The following NKAIN3 variants were observed in gnomAD, a reference collection of about 807,000 sequenced individuals.
The protein encoded by NKAIN3 is sodium/potassium-transporting ATPase subunit beta-1-interacting protein 3.
A neutral mutation model predicts 30.2 loss-of-function variants in NKAIN3; 25 were observed. The ratio of observed to expected loss-of-function variants is 0.83; its 90% CI spans 0.60 to 1.16. The LOEUF (loss-of-function observed/expected upper bound fraction) is 1.16, where lower values mean the gene tolerates loss of function less well. Among genes scored for constraint, NKAIN3 ranks in the 50% most tolerant of loss-of-function variants. NKAIN3 has a pLI of 0.00. For missense variants in NKAIN3, 225 were observed against 254.1 expected (o/e 0.89, Z 0.78); for synonymous variants, 91 against 89.6 (o/e 1.02, Z -0.09).
chr8:62,605,159 G>A (rs1370738589), intron 3 of NKAIN3, among the ~76,000 whole-genome samples: 1 of 152,070 alleles, frequency 6.6e-6, no homozygotes, highest in Non-Finnish European at 1.5e-5. Flanking sequence ...CATTTCTTCT[G>A]TGGGTCAGAA....
chr8:62,627,254 C>G (rs972321257), intron 3 of NKAIN3, among the ~76,000 whole-genome samples: 8 of 152,070 alleles, frequency 5.3e-5, no homozygotes, highest in Admixed American at 4.6e-4. Context: ...ATTTAAATGT[C>G]TTTAAATGTC....
intron 3 of NKAIN3, among the ~76,000 whole-genome samples, chr8:62,679,710 A>G (rs1813593603): frequency 6.6e-6 from 1 of 152,090 alleles, no homozygotes; most frequent in Non-Finnish European, 1.5e-5. Flanking sequence ...ACACTTTTAA[A>G]CAACCAGATC....
chr8:62,934,125 C>T (rs7460124), intron 5 of NKAIN3, among the ~76,000 whole-genome samples: 10,322 of 152,196 alleles, frequency 0.068, 583 homozygotes, highest in East Asian at 0.28. Context: ...TGACACGCAC[C>T]TGTAATCCCA....
intron 1 of NKAIN3, among the ~76,000 whole-genome samples, chr8:62,269,389 C>T (rs1425185532): frequency 6.6e-6 from 1 of 152,138 alleles, no homozygotes; most frequent in African/African-American, 2.4e-5. Flanking sequence ...TGATCTTATA[C>T]TTCCTCATAT....
intron 1 of NKAIN3, among the ~76,000 whole-genome samples, chr8:62,267,849 G>A (rs909339745): frequency 4.6e-5 from 7 of 152,170 alleles, no homozygotes; most frequent in Admixed American, 2.6e-4. Flanking sequence ...AAGTAGCCAA[G>A]TAATTAAGAG....
chr8:62,360,798 G>T (rs1184980405), intron 1 of NKAIN3, among the ~76,000 whole-genome samples: 1 of 152,100 alleles, frequency 6.6e-6, no homozygotes, highest in East Asian at 1.9e-4. Flanking sequence ...ATGAATCTGG[G>T]TGCCCCTGTA....
intron 5 of NKAIN3, among the ~76,000 whole-genome samples, chr8:62,942,235 CACATATATAT>C (rs1254866393): frequency 1.3e-5 from 1 of 75,920 alleles, no homozygotes; most frequent in Non-Finnish European, 2.5e-5. Context: ...CATATATATA[CACATATATAT>C]ACATATATAT....
At chr8:62,289,726 G>A (rs924387598) in intron 1 of NKAIN3, among the ~76,000 whole-genome samples, 13 of 152,154 alleles carry the variant, frequency 8.5e-5, no homozygotes, top group Middle Eastern at 6.8e-3. Flanking sequence ...GGCAATGTGG[G>A]CTATTTTTGG....
chr8:62,790,007 A>C (rs948475328), intron 4 of NKAIN3, among the ~76,000 whole-genome samples: 3 of 151,990 alleles, frequency 2.0e-5, no homozygotes, highest in Admixed American at 6.6e-5. Flanking sequence ...GAGACACAAT[A>C]AAAAAAGAGA....
intron 1 of NKAIN3, among the ~76,000 whole-genome samples, chr8:62,253,302 A>G (rs1390537495): frequency 1.3e-5 from 2 of 152,236 alleles, no homozygotes; most frequent in Non-Finnish European, 2.9e-5. Flanking sequence ...CTGACTGGGT[A>G]CAGTGGCTTA....
intron 3 of NKAIN3, among the ~76,000 whole-genome samples, chr8:62,652,401 T>G (rs536436979): frequency 6.6e-6 from 1 of 152,298 alleles, no homozygotes; most frequent in South Asian, 2.1e-4. Flanking sequence ...CTCCCCACAC[T>G]GGCTGGCTTG....
intron 2 of NKAIN3, among the ~76,000 whole-genome samples, chr8:62,586,113 A>G (rs10110107): frequency 0.034 from 5,239 of 152,272 alleles, 249 homozygotes; most frequent in African/African-American, 0.11. Flanking sequence ...AAAAGTCCGC[A>G]ATTTAGTTAT....
At chr8:62,909,658 G>T (rs763294645) in intron 4 of NKAIN3, among the ~76,000 whole-genome samples, 42 of 151,942 alleles carry the variant, frequency 2.8e-4, no homozygotes, top group Middle Eastern at 3.4e-3. Flanking sequence ...TCTCATGAGG[G>T]CAACATTATT....
intron 3 of NKAIN3, among the ~76,000 whole-genome samples, chr8:62,715,504 C>A (rs912895959): frequency 6.6e-6 from 1 of 152,112 alleles, no homozygotes; most frequent in Non-Finnish European, 1.5e-5. Flanking sequence ...AGGAAGACTG[C>A]ATCATTTCCA....
intron 3 of NKAIN3, among the ~76,000 whole-genome samples, chr8:62,614,248 G>A (rs1463128658): frequency 6.6e-6 from 1 of 152,126 alleles, no homozygotes; most frequent in Non-Finnish European, 1.5e-5. Context: ...TGTGTTTCTT[G>A]CAGACTCATA....
chr8:62,825,138 T>A (rs1455733448), intron 4 of NKAIN3, among the ~76,000 whole-genome samples: 1 of 152,192 alleles, frequency 6.6e-6, no homozygotes, highest in Non-Finnish European at 1.5e-5. Context: ...TGCCAATGAA[T>A]GAAACCATTC....
chr8:62,326,785 C>G (rs1815152989), intron 1 of NKAIN3, among the ~76,000 whole-genome samples: 1 of 151,662 alleles, frequency 6.6e-6, no homozygotes, highest in African/African-American at 2.4e-5. Context: ...CTGTTTGAGC[C>G]ACTACTTTCA....
At chr8:62,337,574 C>T (rs372399249) in intron 1 of NKAIN3, among the ~76,000 whole-genome samples, 23 of 150,332 alleles carry the variant, frequency 1.5e-4, no homozygotes, top group Admixed American at 1.3e-4. Flanking sequence ...AAGTATAGTA[C>T]ATATATATAT....
At chr8:62,942,245 T>TACATATATATATAC (rs1822985232) in intron 5 of NKAIN3, among the ~76,000 whole-genome samples, 13 of 142,126 alleles carry the variant, frequency 9.1e-5, no homozygotes, top group African/African-American at 5.5e-5. Context: ...CACATATATA[T>TACATATATATATAC]ACATATATAT....
Sources: allele counts gnomAD v4.1 joint callset (sites outside exome capture counted in the v4.1 genomes callset), GRCh38; gene constraint gnomAD v4.1.1; transcripts MANE v1.5; gene names NCBI Gene and HGNC (gene_info 2026-07-23, HGNC 2026-07-21).